The following SNTG1 variants were observed in gnomAD, a reference collection of about 807,000 sequenced individuals.
The protein encoded by SNTG1 is syntrophin gamma 1, also known as gamma-1-syntrophin.
In SNTG1, 39 loss-of-function variants were observed where a neutral mutation model predicts 74.7. The observed-to-expected ratio is 0.52, with a 90% CI of 0.40 to 0.68. The LOEUF is 0.68. SNTG1 is among the 30% of genes least tolerant of loss of function. The pLI, the probability that SNTG1 is intolerant of heterozygous loss-of-function variation, is 0.00. For missense variants in SNTG1, 685 were observed against 609.5 expected, an observed-to-expected ratio of 1.12 and a Z score of -1.30; for synonymous variants, 254 against 217.1, an observed-to-expected ratio of 1.17 and a Z score of -1.49.
At chr8:50,735,142 A>G (rs1234478665) in intron 17 of SNTG1, among the ~76,000 whole-genome samples, 1 of 151,458 alleles carries the variant, frequency 6.6e-6, no homozygotes, top group African/African-American at 2.4e-5. Context: ...ATAATTACTC[A>G]TTCTTCCTGC....
At chr8:50,539,576 A>G (rs1457020055) in intron 11 of SNTG1, among the ~76,000 whole-genome samples, 1 of 152,164 alleles carries the variant, frequency 6.6e-6, no homozygotes, top group African/African-American at 2.4e-5. Context: ...TGATGGTGGG[A>G]GAGACTCAGC....
At chr8:50,274,172 C>T (rs1586921725) in intron 2 of SNTG1, among the ~76,000 whole-genome samples, 1 of 151,910 alleles carries the variant, frequency 6.6e-6, no homozygotes. Context: ...ACTGCACCCT[C>T]GCCTCCCAGG....
intron 18 of SNTG1, among the ~76,000 whole-genome samples, chr8:50,764,689 A>G (rs1384411544): frequency 2.6e-5 from 4 of 152,008 alleles, no homozygotes; most frequent in Non-Finnish European, 4.4e-5. Context: ...GTAAATTTAT[A>G]CAAGCCACGT....
intron 10 of SNTG1, among the ~76,000 whole-genome samples, chr8:50,535,349 C>T (rs941618783): frequency 6.6e-6 from 1 of 152,126 alleles, no homozygotes; most frequent in Non-Finnish European, 1.5e-5. Context: ...CAGCTGATCC[C>T]ATGTCATATG....
chr8:50,629,294 CT>C (rs1185478999), intron 13 of SNTG1, among the ~76,000 whole-genome samples: 2 of 151,746 alleles, frequency 1.3e-5, no homozygotes, highest in African/African-American at 4.8e-5. Context: ...GCAATATTTT[CT>C]GTTGAATATT....
chr8:50,036,680 T>G (rs1020665737), intron 1 of SNTG1, among the ~76,000 whole-genome samples: 1 of 152,202 alleles, frequency 6.6e-6, no homozygotes, highest in Non-Finnish European at 1.5e-5. Context: ...ATGGGTGGCA[T>G]AGCTGAAGAT....
In SNTG1 at chr8:50,642,285, T is replaced by C. The variant is rs554136931; in HGVS notation, c.850-14624T>C. Among the ~76,000 whole-genome samples, 243 of 152,302 alleles carry C rather than the reference T, an allele frequency of 1.6e-3. 2 individuals are homozygous for C. The highest frequency in any genetic ancestry group is 0.01 in the Middle Eastern group (3 of 294). ...TTTCAAGTCTCTATCATCTCTCACC[T>C]GCTTTGCTACAACAGCATTCTAAAC... On this transcript the variant is annotated intron_variant, in intron 13 of 18. Transcript: ENST00000642720.
intron 1 of SNTG1, among the ~76,000 whole-genome samples, chr8:49,938,610 TCTTTCTTTCTTTC>T (rs1808378042): frequency 9.8e-6 from 1 of 102,510 alleles, no homozygotes; most frequent in African/African-American, 4.6e-5. Flanking sequence ...TTCTTTTCTT[TCTTTCTTTCTTTC>T]TTTCTTTCTT....
chr8:50,351,818 G>A (rs1195155997), intron 2 of SNTG1, among the ~76,000 whole-genome samples: 1 of 152,134 alleles, frequency 6.6e-6, no homozygotes, highest in Non-Finnish European at 1.5e-5. Context: ...AAAAAGTTGT[G>A]GCTAAAGTTT....
chr8:50,125,766 T>G lies in SNTG1; in HGVS notation c.-102-46795T>G, dbSNP rs1315923143. ...GTGCTTAGTATATGGTGTGTTACGT[T>G]GCTGTATTAAGATGTGCTGGGTGGC... On this transcript the variant is annotated intron_variant, in intron 1 of 18. Coordinates refer to ENST00000642720, the MANE Select transcript of SNTG1 (RefSeq NM_018967.5). 2.1e-5 allele frequency among the ~76,000 whole-genome samples: 2 copies of G among 96,724 alleles called. 1 individual carries two copies. The highest frequency in any genetic ancestry group is 4.9e-5 in the Non-Finnish European group (2 of 40,612). 63.5% of individuals were successfully genotyped at this position (96,724 alleles called of 152,430 possible).
intron 17 of SNTG1, among the ~76,000 whole-genome samples, chr8:50,719,211 A>C (rs898047643): frequency 3.3e-5 from 5 of 152,218 alleles, no homozygotes; most frequent in Non-Finnish European, 7.3e-5. Context: ...TTCATACATT[A>C]GAACCTAATA....
chr8:50,333,253 C>T (rs138127549), intron 2 of SNTG1, among the ~76,000 whole-genome samples: 25 of 152,340 alleles, frequency 1.6e-4, no homozygotes, highest in African/African-American at 5.3e-4. Flanking sequence ...GTGAAAGTGT[C>T]TACCTCACAG....
chr8:50,547,577 T>G (rs2094397165), intron 11 of SNTG1, among the ~76,000 whole-genome samples: 2 of 152,136 alleles, frequency 1.3e-5, no homozygotes, highest in African/African-American at 4.8e-5. Context: ...CACACTTATT[T>G]AATGATATGA....
intron 2 of SNTG1, among the ~76,000 whole-genome samples, chr8:50,233,085 C>G (rs2085712560): frequency 6.6e-6 from 1 of 150,988 alleles, no homozygotes; most frequent in South Asian, 2.1e-4. Context: ...TAGAATCAAG[C>G]CAAAAAAATG....
chr8:50,008,885 A>G (rs1348877672), intron 1 of SNTG1, among the ~76,000 whole-genome samples: 2 of 152,186 alleles, frequency 1.3e-5, no homozygotes, highest in African/African-American at 4.8e-5. Flanking sequence ...GCAAAATCAA[A>G]TCAATATATT....
chr8:49,999,756 A>G (rs1814577990), intron 1 of SNTG1, among the ~76,000 whole-genome samples: 1 of 152,018 alleles, frequency 6.6e-6, no homozygotes. Flanking sequence ...TCTCCCACCG[A>G]GCCAGTGCTT....
chr8:50,685,809 T>C (rs1456605854), intron 15 of SNTG1, among the ~76,000 whole-genome samples: 1 of 152,206 alleles, frequency 6.6e-6, no homozygotes, highest in Non-Finnish European at 1.5e-5. Flanking sequence ...CAGATTTATC[T>C]ATGTAGTACA....
At chr8:50,404,109 GC>G (rs2092839974) in intron 4 of SNTG1, among the ~76,000 whole-genome samples, 1 of 152,066 alleles carries the variant, frequency 6.6e-6, no homozygotes, top group Admixed American at 6.6e-5. Flanking sequence ...AAGGACAATA[GC>G]CCAAGTTAAT....
intron 1 of SNTG1, among the ~76,000 whole-genome samples, chr8:50,090,134 C>T (rs1255571897): frequency 1.3e-5 from 2 of 152,154 alleles, no homozygotes; most frequent in Non-Finnish European, 2.9e-5. Flanking sequence ...TATACCAGTC[C>T]TCTGCTTTTT....
Sources: gnomAD v4.1 joint callset for allele counts (sites outside exome capture counted in the v4.1 genomes callset) on GRCh38, gnomAD v4.1.1 for gene constraint, MANE v1.5 for transcripts, NCBI Gene and HGNC (gene_info 2026-07-23, HGNC 2026-07-21) for gene names.